Variants in PLCL2 observed in about 807,000 individuals in gnomAD.
PLCL2 encodes the protein inactive phospholipase C-like protein 2.
Under a neutral mutation model 79.6 loss-of-function variants are expected in PLCL2, and 4 were observed. The ratio of observed to expected loss-of-function variants is 0.05; its 90% CI spans 0.02 to 0.11. The LOEUF (loss-of-function observed/expected upper bound fraction) is 0.11. Ranked by LOEUF, PLCL2 falls within the 10% of genes least tolerant of loss-of-function variation. The pLI, the probability that PLCL2 is intolerant of heterozygous loss-of-function variation, is 1.00. For synonymous variants in PLCL2, 484 were observed against 457.7 expected (o/e 1.06, Z -0.73); for missense variants, 895 against 1,291.0 (o/e 0.69, Z 4.70).
chr3:16,986,463 A>C (rs1038078176), intron 1 of PLCL2, among the ~76,000 whole-genome samples: 3 of 152,080 alleles, frequency 2.0e-5, no homozygotes, highest in African/African-American at 7.2e-5. Context: ...ATGCAGTGGC[A>C]TGATATCGGC....
chr3:16,955,491 G>A (rs2063696153), intron 1 of PLCL2, among the ~76,000 whole-genome samples: 1 of 152,152 alleles, frequency 6.6e-6, no homozygotes, highest in Non-Finnish European at 1.5e-5. Flanking sequence ...TTTTGGCTTA[G>A]GATTGACTTG....
At chr3:16,963,286 T>C (rs2063773669) in intron 1 of PLCL2, among the ~76,000 whole-genome samples, 1 of 152,140 alleles carries the variant, frequency 6.6e-6, no homozygotes, top group African/African-American at 2.4e-5. Context: ...TCTACATATA[T>C]ATATACATAC....
intron 1 of PLCL2, among the ~76,000 whole-genome samples, chr3:17,006,692 G>A (rs188920337): frequency 2.0e-5 from 3 of 152,294 alleles, no homozygotes; most frequent in Admixed American, 1.3e-4. Context: ...GTGGTTGGGT[G>A]GTCATCATGT....
intron 5 of PLCL2, among the ~76,000 whole-genome samples, chr3:17,079,758 T>C (rs1300313355): frequency 6.6e-6 from 1 of 152,214 alleles, no homozygotes; most frequent in African/African-American, 2.4e-5. Context: ...TTTAAAATTA[T>C]TAACTTTTGT....
chr3:17,001,695 C>G (rs538380712), intron 1 of PLCL2, among the ~76,000 whole-genome samples: 1 of 152,134 alleles, frequency 6.6e-6, no homozygotes, highest in East Asian at 1.9e-4. Flanking sequence ...GTTCTCTGTT[C>G]TGTTCCATTG....
chr3:16,956,698 A>G (rs1028342666), intron 1 of PLCL2, among the ~76,000 whole-genome samples: 9 of 152,208 alleles, frequency 5.9e-5, no homozygotes, highest in African/African-American at 1.9e-4. Flanking sequence ...TTATTGCCGC[A>G]ATTTCAGAGC....
intron 4 of PLCL2, among the ~76,000 whole-genome samples, chr3:17,065,989 A>T (rs545699789): frequency 6.6e-6 from 1 of 152,184 alleles, no homozygotes; most frequent in East Asian, 1.9e-4. Context: ...GAAATCCAGA[A>T]CTCTTGCTGA....
chr3:16,970,892 C>T (rs2063855880), intron 1 of PLCL2, among the ~76,000 whole-genome samples: 1 of 151,392 alleles, frequency 6.6e-6, no homozygotes, highest in African/African-American at 2.4e-5. Flanking sequence ...GTCCTTCGCC[C>T]ACTTTTTGAT....
chr3:17,049,833 C>A (rs2064820411), intron 4 of PLCL2, among the ~76,000 whole-genome samples: 1 of 151,884 alleles, frequency 6.6e-6, no homozygotes, highest in Non-Finnish European at 1.5e-5. Context: ...AAAAAAAAAT[C>A]CTAACATTTA....
Position 17,090,313 on chromosome 3 carries a change from T to C in PLCL2, c.*401T>C. 1 of 944,050 alleles carries C rather than the reference T, an allele frequency of 1.1e-6. No homozygotes were observed. The highest frequency in any genetic ancestry group is 1.3e-6 in the Non-Finnish European group (1 of 791,834). 58.5% of individuals were successfully genotyped at this position (944,050 alleles called of 1,614,324 possible). A position where few individuals can be genotyped will look rare whatever the true frequency, so the allele number is the denominator to read the frequency against. ...CCTGATCTACACATTTTTACTTATA[T>C]GGGGTTGCCAGAGTCTCTGGGTTCT... On this transcript the variant is annotated 3_prime_UTR_variant, in exon 6 of 6. Coordinates refer to ENST00000615277, the MANE Select transcript of PLCL2 (RefSeq NM_001144382.2).
chr3:17,078,618 T>C (rs749021576), intron 5 of PLCL2, among the ~76,000 whole-genome samples: 15 of 152,178 alleles, frequency 9.9e-5, no homozygotes, highest in Non-Finnish European at 1.6e-4. Context: ...AATTAGAGAT[T>C]CATTCTCTTT....
At chr3:17,025,518 A>G (rs2064508218) in intron 3 of PLCL2, among the ~76,000 whole-genome samples, 1 of 152,194 alleles carries the variant, frequency 6.6e-6, no homozygotes, top group Non-Finnish European at 1.5e-5. Flanking sequence ...AAATGGAATA[A>G]TTTGGATGGA....
At chr3:16,902,536 A>G (rs192172444) in intron 1 of PLCL2, among the ~76,000 whole-genome samples, 7 of 152,290 alleles carry the variant, frequency 4.6e-5, no homozygotes, top group African/African-American at 1.7e-4. Context: ...TCTCTCTAAA[A>G]TGCTTTGGGG....
chr3:16,980,339 C>T (rs530900059), intron 1 of PLCL2, among the ~76,000 whole-genome samples: 123 of 145,368 alleles, frequency 8.5e-4, no homozygotes, highest in South Asian at 6.3e-3. Flanking sequence ...ACTTCCCAGA[C>T]GGGGTGGCTG....
rs944306820 is a variant in PLCL2 at position 17,056,707 on chromosome 3, T to C, written c.3095-11249T>C. 2.6e-5 allele frequency among the ~76,000 whole-genome samples: 4 copies of C among 152,202 alleles called. No individual in the cohort carries two copies. In the South Asian group the frequency reaches 8.3e-4, roughly 31 times the overall value. On this transcript the variant is annotated intron_variant, in intron 4 of 5. Transcript: ENST00000615277. ...GAATTTGTTTCATGACAAGTTATTATACTAATTACTTATTGGAGATGCAAA... is the reference window on the plus strand; with the variant it reads ...GAATTTGTTTCATGACAAGTTATTACACTAATTACTTATTGGAGATGCAAA...
chr3:16,965,545 C>T (rs966047183), intron 1 of PLCL2, among the ~76,000 whole-genome samples: 9 of 151,652 alleles, frequency 5.9e-5, no homozygotes, highest in African/African-American at 1.9e-4. Context: ...TAGTTTTTTC[C>T]AATTCTGTGA....
intron 3 of PLCL2, among the ~76,000 whole-genome samples, chr3:17,019,692 T>G (rs988996516): frequency 1.2e-4 from 19 of 152,196 alleles, no homozygotes; most frequent in Non-Finnish European, 2.5e-4. Context: ...GCAGATTTAA[T>G]GCACTTAAAA....
intron 1 of PLCL2, among the ~76,000 whole-genome samples, chr3:16,937,064 C>T (rs1257511943): frequency 6.6e-6 from 1 of 152,010 alleles, no homozygotes; most frequent in African/African-American, 2.4e-5. Flanking sequence ...CAGTAACACC[C>T]CCATCAGCCA....
At chr3:16,946,903 A>G (rs900110240) in intron 1 of PLCL2, among the ~76,000 whole-genome samples, 3 of 147,846 alleles carry the variant, frequency 2.0e-5, no homozygotes, top group Non-Finnish European at 4.5e-5. Context: ...CTTTTATATT[A>G]GTTTTCCCAT....
Sources: gnomAD v4.1 joint callset for allele counts (sites outside exome capture counted in the v4.1 genomes callset) on GRCh38, gnomAD v4.1.1 for gene constraint, MANE v1.5 for transcripts, NCBI Gene and HGNC (gene_info 2026-07-23, HGNC 2026-07-21) for gene names.